DROSHA: variants seen among roughly 807,000 people sequenced by gnomAD.
DROSHA encodes the protein drosha ribonuclease III.
In DROSHA, 56 loss-of-function variants were observed where a neutral mutation model predicts 181.9. The observed-to-expected ratio is 0.31, with a 90% CI of 0.25 to 0.38. The LOEUF is 0.38. DROSHA is among the 10% of genes least tolerant of loss of function. DROSHA has a pLI of 1.00. For synonymous variants in DROSHA, 524 were observed against 591.2 expected (o/e 0.89, Z 1.65); for missense variants, 1,218 against 1,743.5 (o/e 0.70, Z 5.37).
At chr5:31,471,214 T>C (rs1749683383) in intron 17 of DROSHA, among the ~76,000 whole-genome samples, 1 of 152,240 alleles carries the variant, frequency 6.6e-6, no homozygotes, top group Non-Finnish European at 1.5e-5. Context: ...CCAGAGTTTT[T>C]AGTTTATGAA....
intron 20 of DROSHA, among the ~76,000 whole-genome samples, chr5:31,451,989 G>T (rs567435709): frequency 6.6e-6 from 1 of 152,254 alleles, no homozygotes; most frequent in East Asian, 1.9e-4. Flanking sequence ...ATTAAAAGAG[G>T]AAATACAAAA....
chr5:31,526,002 G>A, intron 5 of DROSHA, 77 bp downstream of exon 5: 1 of 1,400,248 alleles, frequency 7.1e-7, no homozygotes, highest in Non-Finnish European at 9.6e-7. Flanking sequence ...GATCCTTTTG[G>A]TTTGGTTGTC....
intron 23 of DROSHA, among the ~76,000 whole-genome samples, chr5:31,443,774 T>C (rs1745935357): frequency 6.6e-6 from 1 of 152,208 alleles, no homozygotes; most frequent in African/African-American, 2.4e-5. Flanking sequence ...TTTAAACTGC[T>C]GACCGTAACC....
Position 31,470,082 on chromosome 5 carries a change from C to G in DROSHA, c.2241+1981G>C, listed in dbSNP as rs1749559142. On this transcript the variant is annotated intron_variant, in intron 17 of 35. Transcript: ENST00000344624. This position sits in a 1 kb window ranked among gnomAD's most constrained non-coding sequence, Gnocchi z 4.0. The stretch of plus-strand genomic sequence containing the variant: ...CTCAAGATTTTTTTCCTCCTTTAAG[C>G]ATATCTTCAGATAAACAGTATAAAA... Among the ~76,000 whole-genome samples the G allele has an allele frequency of 6.6e-6, 1 of 151,954 alleles. No homozygotes were observed. The highest frequency in any genetic ancestry group is 1.9e-4 in the East Asian group (1 of 5,192).
intron 6 of DROSHA, among the ~76,000 whole-genome samples, chr5:31,517,955 C>T (rs919035449): frequency 1.3e-5 from 2 of 152,106 alleles, no homozygotes; most frequent in Non-Finnish European, 2.9e-5. Context: ...ACTGAAGTTA[C>T]GTTAAAATTA....
intron 29 of DROSHA, 86 bp downstream of exon 29, chr5:31,422,701 A>C: frequency 6.6e-7 from 1 of 1,517,686 alleles, no homozygotes; most frequent in Admixed American, 2.0e-5. Context: ...TTGAAATCCC[A>C]ATTCCTTCGA....
chr5:31,454,956 A>T (rs900698689), intron 20 of DROSHA, among the ~76,000 whole-genome samples: 2 of 151,524 alleles, frequency 1.3e-5, no homozygotes, highest in African/African-American at 4.8e-5. Flanking sequence ...AAAAAAAAAA[A>T]AAAAATTCCA....
rs932355255 is a variant in DROSHA at position 31,529,009 on chromosome 5, A to T, written c.20+31T>A. On this transcript the variant is annotated intron_variant, in intron 4 of 35. Coordinates refer to ENST00000344624, the MANE Select transcript of DROSHA (RefSeq NM_001382508.1). ...TGTCTGCTCCTCTCTCGGTTCTCCC[A>T]AACTATTGCCATTCCCATCACGGCA... 6 of 1,612,252 alleles carry T rather than the reference A, an allele frequency of 3.7e-6. No individual in the cohort carries two copies. The African/African-American group carries it at 6.7e-5, about 18-fold the overall frequency.
rs576031918 is a variant in DROSHA at position 31,435,236 on chromosome 5, T to A, written c.3042+529A>T. 6.6e-5 allele frequency among the ~76,000 whole-genome samples: 10 copies of A among 152,302 alleles called. No individual in the cohort carries two copies. In the East Asian group the frequency reaches 1.7e-3, roughly 26 times the overall value. ...CTGAATTATGAAAAGGTTCTGTTAG[T>A]CACTGAGCTAAGTCAATGAGGCTAG... On this transcript the variant is annotated intron_variant, in intron 25 of 35. Coordinates refer to ENST00000344624, the MANE Select transcript of DROSHA (RefSeq NM_001382508.1).
At chr5:31,424,599 A>G in intron 27 of DROSHA, 128 bp from the exon 28 acceptor site, 1 of 1,193,746 alleles carries the variant, frequency 8.4e-7, no homozygotes, top group South Asian at 1.6e-5. Context: ...GGCAAATTCA[A>G]CAGTGCTGGC....
Position 31,466,192 on chromosome 5 carries a change from G to A in DROSHA, c.2456C>T (p.Ala819Val), listed in dbSNP as rs767292159. ...KVKQTDKQKL[A>V]QREEALQKIR... Reference sequence around the variant, plus strand: ...GAGTTTGATACAGACCTCCCTCTGTGCCAGCTTCTGTTTGTCAGTTTGTTT... The same window carrying A: ...GAGTTTGATACAGACCTCCCTCTGTACCAGCTTCTGTTTGTCAGTTTGTTT... The change falls in exon 19 of 36, where the codon GCA becomes GTA. Residue 819 changes from alanine to valine, a missense_variant. Around this residue, in one of 8 missense-constraint regions of DROSHA, gnomAD observed 460 missense variants for 774.2 expected, o/e 0.59. Coordinates refer to ENST00000344624, the MANE Select transcript of DROSHA (RefSeq NM_001382508.1). The A allele has an allele frequency of 1.9e-5, 30 of 1,613,546 alleles. No individual in the cohort carries two copies. Among genetic ancestry groups the A allele is most frequent in the Non-Finnish European group, 2.5e-5 (29 of 1,179,690 alleles).
In DROSHA at chr5:31,409,370, A is replaced by G. The variant is rs763249720; in HGVS notation, c.3668-38T>C. 26 of 1,543,464 alleles carry G rather than the reference A, an allele frequency of 1.7e-5. No homozygotes were observed. Among genetic ancestry groups the G allele is most frequent in the South Asian group, 1.2e-5 (1 of 83,556 alleles). On this transcript the variant is annotated intron_variant, in intron 31 of 35. Transcript: ENST00000344624. The surrounding 1 kb of genome is among the most constrained non-coding windows in gnomAD (Gnocchi z 4.0). ...GAATACTTTAAAATAAACCACAATC[A>G]CTGCCATCTATCAGAAAGAGTAAGA...
intron 22 of DROSHA, among the ~76,000 whole-genome samples, chr5:31,448,836 TAA>T (rs3062453): frequency 0.02 from 2,991 of 152,246 alleles, 96 homozygotes; most frequent in African/African-American, 0.068. Flanking sequence ...GTAAGTATTA[TAA>T]AAGAGTCTGT....
chr5:31,424,802 T>C (rs948488210), intron 27 of DROSHA, among the ~76,000 whole-genome samples: 16 of 152,218 alleles, frequency 1.1e-4, no homozygotes, highest in African/African-American at 3.9e-4. Context: ...TTTCTTACCA[T>C]TGTCCAGAAA....
chr5:31,467,972 C>T lies in DROSHA; in HGVS notation c.2333G>A (p.Arg778His). ...TCCTGCATAACTCAACTGTGCAGGG[C>T]GTATCCCAAAGTGGACGATAATCGG... ...TFPIIVHFGI[R>H]PAQLSYAGDP... The change falls in exon 18 of 36, where the codon CGC becomes CAC. Residue 778 changes from arginine to histidine, a missense_variant. This residue lies in a region of DROSHA where 460 missense variants were observed against 774.2 expected (regional missense o/e 0.59). Transcript: ENST00000344624. 6.2e-7 allele frequency: 1 copy of T among 1,611,530 alleles called. No homozygotes were observed. The highest frequency in any genetic ancestry group is 8.5e-7 in the Non-Finnish European group (1 of 1,178,862).
At chr5:31,480,794 G>A (rs1192620406) in intron 16 of DROSHA, among the ~76,000 whole-genome samples, 2 of 152,116 alleles carry the variant, frequency 1.3e-5, no homozygotes, top group African/African-American at 4.8e-5. Flanking sequence ...CAACAAGACA[G>A]ACAAATGTTT....
At chr5:31,522,119 G>GC (rs1739959542) in intron 5 of DROSHA, among the ~76,000 whole-genome samples, 1 of 152,176 alleles carries the variant, frequency 6.6e-6, no homozygotes. Flanking sequence ...ATCGGTGAGT[G>GC]CTTAGGTATT....
intron 16 of DROSHA, among the ~76,000 whole-genome samples, chr5:31,479,739 T>C (rs1162713720): frequency 6.6e-6 from 1 of 152,150 alleles, no homozygotes; most frequent in Non-Finnish European, 1.5e-5. Context: ...ATATATAACA[T>C]ATATTCACTA....
intron 5 of DROSHA, among the ~76,000 whole-genome samples, chr5:31,522,981 G>A (rs1580382492): frequency 2.0e-5 from 3 of 152,278 alleles, no homozygotes; most frequent in Admixed American, 6.5e-5. Flanking sequence ...GAGAAAAATA[G>A]GGAACACAGA....
Sources: gnomAD v4.1 joint callset for allele counts (sites outside exome capture counted in the v4.1 genomes callset) on GRCh38, gnomAD v4.1.1 for gene constraint, gnomAD v4.1.1 regional missense constraint, Gnocchi (gnomAD v3.1) non-coding constraint, MANE v1.5 for transcripts, NCBI Gene and HGNC (gene_info 2026-07-23, HGNC 2026-07-21) for gene names.